The following CIMIP6 variants were observed in gnomAD, a reference collection of about 807,000 sequenced individuals.
The protein encoded by CIMIP6 is uncharacterized protein C2orf73.
the CIMIP6 span, among the ~76,000 whole-genome samples, chr2:54,378,846 C>T: frequency 6.6e-6 from 1 of 152,256 alleles, no homozygotes; most frequent in African/African-American, 2.4e-5. Flanking sequence ...AGCTGTAGAC[C>T]TTGTTATCTC....
At chr2:54,360,553 A>T in the CIMIP6 span, 1 of 1,489,766 alleles carries the variant, frequency 6.7e-7, no homozygotes, top group South Asian at 1.3e-5. Context: ...CAATTAAAAA[A>T]TCAGAATAAA....
At chr2:54,377,947 G>A in the CIMIP6 span, among the ~76,000 whole-genome samples, 1 of 152,178 alleles carries the variant, frequency 6.6e-6, no homozygotes, top group Non-Finnish European at 1.5e-5. Flanking sequence ...AAGTATAAGG[G>A]TTGACATACG....
the CIMIP6 span, among the ~76,000 whole-genome samples, chr2:54,379,108 G>A: frequency 6.6e-5 from 10 of 152,312 alleles, no homozygotes; most frequent in African/African-American, 2.2e-4. Context: ...TCAGCAAAAA[G>A]TAGCTTCTAG....
the CIMIP6 span, among the ~76,000 whole-genome samples, chr2:54,343,441 T>G: frequency 6.6e-6 from 1 of 152,200 alleles, no homozygotes; most frequent in Non-Finnish European, 1.5e-5. Flanking sequence ...CAAATACAGC[T>G]ATTTTGCTGA....
chr2:54,381,731 G>T, the CIMIP6 span: 1 of 1,379,648 alleles, frequency 7.2e-7, no homozygotes. Context: ...TTTGAGGCTT[G>T]AATGACTTTT....
the CIMIP6 span, among the ~76,000 whole-genome samples, chr2:54,334,639 T>A: frequency 6.6e-6 from 1 of 152,240 alleles, no homozygotes; most frequent in African/African-American, 2.4e-5. Flanking sequence ...ATCGCTTATA[T>A]GATTTAGAAT....
the CIMIP6 span, among the ~76,000 whole-genome samples, chr2:54,332,538 A>G: frequency 6.6e-6 from 1 of 152,250 alleles, no homozygotes; most frequent in Admixed American, 6.5e-5. Flanking sequence ...CAGATATGGC[A>G]GAACTGGGAT....
At chr2:54,374,239 C>T in the CIMIP6 span, among the ~76,000 whole-genome samples, 1 of 152,220 alleles carries the variant, frequency 6.6e-6, no homozygotes. Context: ...TTAATTCTTA[C>T]AGATGGAATC....
the CIMIP6 span, among the ~76,000 whole-genome samples, chr2:54,370,535 C>G: frequency 1.1e-4 from 16 of 152,102 alleles, no homozygotes; most frequent in Non-Finnish European, 2.2e-4. Context: ...ATCCAGAGTT[C>G]TCTCAAGAGT....
chr2:54,331,883 C>T, the CIMIP6 span, among the ~76,000 whole-genome samples: 1 of 152,204 alleles, frequency 6.6e-6, no homozygotes, highest in East Asian at 1.9e-4. Flanking sequence ...CACACTTGAA[C>T]GTGCATAAGA....
chr2:54,373,100 AG>A, the CIMIP6 span, among the ~76,000 whole-genome samples: 1,395 of 152,166 alleles, frequency 9.2e-3, 26 homozygotes, highest in African/African-American at 0.032. Context: ...TCCGTACTGC[AG>A]CTGGAACTGG....
the CIMIP6 span, among the ~76,000 whole-genome samples, chr2:54,372,064 T>A: frequency 6.6e-6 from 1 of 152,218 alleles, no homozygotes; most frequent in Non-Finnish European, 1.5e-5. Flanking sequence ...TGTGTATGTT[T>A]TAGCTAGCAT....
At chr2:54,358,848 G>A in the CIMIP6 span, 2 of 527,152 alleles carry the variant, frequency 3.8e-6, no homozygotes, top group South Asian at 3.6e-5. Context: ...AAATAATCTT[G>A]CATACTTCAA....
At chr2:54,353,153 G>C in the CIMIP6 span, among the ~76,000 whole-genome samples, 46 of 152,132 alleles carry the variant, frequency 3.0e-4, no homozygotes, top group Non-Finnish European at 5.0e-4. Context: ...TTCAGATGTG[G>C]AAATTGCTGT....
chr2:54,338,709 T>C, the CIMIP6 span, among the ~76,000 whole-genome samples: 4 of 75,200 alleles, frequency 5.3e-5, 2 homozygotes, highest in African/African-American at 8.9e-5. Context: ...AGATAATATC[T>C]TTAGGATGCA....
At chr2:54,360,141 C>T in the CIMIP6 span, 1 of 1,466,678 alleles carries the variant, frequency 6.8e-7, no homozygotes, top group South Asian at 1.5e-5. Context: ...ATTCAGTTCA[C>T]AGCTGCATCT....
At chr2:54,363,211 T>A in the CIMIP6 span, among the ~76,000 whole-genome samples, 1 of 152,180 alleles carries the variant, frequency 6.6e-6, no homozygotes, top group Non-Finnish European at 1.5e-5. Flanking sequence ...TCTTCTTGGA[T>A]TATATGGTTT....
At chr2:54,337,734 T>C in the CIMIP6 span, among the ~76,000 whole-genome samples, 1 of 152,160 alleles carries the variant, frequency 6.6e-6, no homozygotes. Context: ...GGTGACAGAA[T>C]AGTAGTAGAA....
At chr2:54,375,908 C>T in the CIMIP6 span, among the ~76,000 whole-genome samples, 42 of 117,662 alleles carry the variant, frequency 3.6e-4, no homozygotes, top group African/African-American at 5.0e-4. Context: ...GTGTGTGTGA[C>T]GTTTTGGAAG....
Sources: allele counts gnomAD v4.1 joint callset (sites outside exome capture counted in the v4.1 genomes callset), GRCh38; gene constraint gnomAD v4.1.1; transcripts MANE v1.5; gene names NCBI Gene and HGNC (gene_info 2026-07-23, HGNC 2026-07-21).